TANC2: variants seen among roughly 807,000 people sequenced by gnomAD.
The protein encoded by TANC2 is protein TANC2.
A neutral mutation model predicts 210.5 loss-of-function variants in TANC2; 26 were observed. The ratio of observed to expected loss-of-function variants is 0.12; its 90% confidence interval spans 0.09 to 0.17. TANC2 has a LOEUF of 0.17. Ranked by LOEUF, TANC2 falls within the 10% of genes least tolerant of loss-of-function variation. The pLI is 1.00. For missense variants in TANC2, 2,129 were observed against 2,608.9 expected (o/e 0.82, Z 4.01); for synonymous variants, 931 against 967.1 (o/e 0.96, Z 0.69).
chr17:63,263,368 TC>T, intron 8 of TANC2, among the ~76,000 whole-genome samples: 1 of 152,296 alleles, frequency 6.6e-6, no homozygotes, highest in Non-Finnish European at 1.5e-5. Context: ...ACAGGACACA[TC>T]CTGGCAATCT....
chr17:63,206,526 A>G (rs910676314), intron 7 of TANC2, among the ~76,000 whole-genome samples: 1 of 152,242 alleles, frequency 6.6e-6, no homozygotes, highest in Admixed American at 6.5e-5. Context: ...CCTTAAAAAG[A>G]AATGAAATTC....
At chr17:63,229,043 C>T (rs1020602106) in intron 7 of TANC2, among the ~76,000 whole-genome samples, 1 of 152,146 alleles carries the variant, frequency 6.6e-6, no homozygotes, top group African/African-American at 2.4e-5. Context: ...CTTCCCCATT[C>T]ATTATGATAT....
At position 63,294,827 on chromosome 17, in the gene TANC2, T is replaced by C. The variant is rs186557921; in HGVS notation, c.1160-19561T>C. Among the ~76,000 whole-genome samples the C allele has an allele frequency of 3.9e-5, 6 of 152,344 alleles. No homozygotes were observed. In the East Asian group the frequency reaches 1.2e-3, roughly 29 times the overall value. Reference sequence around the variant, plus strand: ...TGCCTTGGCTGTACCATTTTCTGGGTGCTGCGGATAAGAAAGTCACATTCT... The same window carrying C: ...TGCCTTGGCTGTACCATTTTCTGGGCGCTGCGGATAAGAAAGTCACATTCT... On this transcript the variant is annotated intron_variant, in intron 9 of 27. Transcript: ENST00000689528.
At chr17:63,315,827 G>A (rs1360149122) in intron 10 of TANC2, among the ~76,000 whole-genome samples, 2 of 152,220 alleles carry the variant, frequency 1.3e-5, no homozygotes, top group African/African-American at 2.4e-5. Context: ...ACTTATGGAT[G>A]TCTAACGTGG....
chr17:63,252,233 AT>A (rs1438836053), intron 8 of TANC2, among the ~76,000 whole-genome samples: 3 of 151,924 alleles, frequency 2.0e-5, no homozygotes, highest in African/African-American at 7.2e-5. Context: ...TTTCTTTTTA[AT>A]TTTTATGGGT....
At chr17:63,316,946 AGTTATTAATAT>A (rs2045332653) in intron 10 of TANC2, among the ~76,000 whole-genome samples, 1 of 54,194 alleles carries the variant, frequency 1.8e-5, no homozygotes, top group South Asian at 6.0e-4. Context: ...ACAGAATATA[AGTTATTAATAT>A]AAGTTATTAT....
intron 9 of TANC2, among the ~76,000 whole-genome samples, chr17:63,306,523 A>T (rs1422226405): frequency 6.6e-6 from 1 of 152,236 alleles, no homozygotes; most frequent in African/African-American, 2.4e-5. Flanking sequence ...TAGAGCTTGC[A>T]TTCTAGTTAA....
At chr17:63,111,778 T>G (rs956693938) in intron 4 of TANC2, among the ~76,000 whole-genome samples, 1 of 152,148 alleles carries the variant, frequency 6.6e-6, no homozygotes, top group Non-Finnish European at 1.5e-5. Context: ...CAGGCTGGAG[T>G]GCAGTGGCAC....
chr17:63,203,803 T>C (rs558008148), intron 7 of TANC2, among the ~76,000 whole-genome samples: 1 of 151,634 alleles, frequency 6.6e-6, no homozygotes, highest in Admixed American at 6.6e-5. Context: ...AAAAAAAAAG[T>C]AGTCAGATAA....
chr17:63,164,395 A>G (rs1219111340), intron 5 of TANC2, among the ~76,000 whole-genome samples: 1 of 152,116 alleles, frequency 6.6e-6, no homozygotes, highest in Non-Finnish European at 1.5e-5. Context: ...TAGTCAATAT[A>G]CTTTTATATA....
chr17:63,068,771 G>C (rs140197261), intron 2 of TANC2, among the ~76,000 whole-genome samples: 1 of 147,062 alleles, frequency 6.8e-6, no homozygotes, highest in Non-Finnish European at 1.5e-5. Context: ...TTATTCTAGA[G>C]TTAAAATGAA....
intron 4 of TANC2, among the ~76,000 whole-genome samples, chr17:63,121,935 G>C (rs891354401): frequency 2.7e-5 from 4 of 145,702 alleles, no homozygotes; most frequent in Admixed American, 1.4e-4. Flanking sequence ...CCACTGCACT[G>C]TAGCCTGGGC....
intron 10 of TANC2, among the ~76,000 whole-genome samples, chr17:63,315,706 C>T (rs991974285): frequency 3.9e-5 from 6 of 152,164 alleles, no homozygotes; most frequent in African/African-American, 1.4e-4. Context: ...GGGTCTAGCA[C>T]AGTGCTGGAA....
At chr17:63,119,027 C>A (rs2038360395) in intron 4 of TANC2, among the ~76,000 whole-genome samples, 1 of 152,094 alleles carries the variant, frequency 6.6e-6, no homozygotes, top group Admixed American at 6.6e-5. Flanking sequence ...CGTGATCCGC[C>A]CACCCCAGCC....
At chr17:63,024,477 G>T (rs2034472098) in intron 2 of TANC2, among the ~76,000 whole-genome samples, 1 of 152,034 alleles carries the variant, frequency 6.6e-6, no homozygotes, top group Non-Finnish European at 1.5e-5. Context: ...AGTGGGTTTG[G>T]GCCGGCATCT....
At chr17:63,299,832 G>A (rs965232576) in intron 9 of TANC2, among the ~76,000 whole-genome samples, 4 of 151,990 alleles carry the variant, frequency 2.6e-5, no homozygotes, top group Non-Finnish European at 5.9e-5. Flanking sequence ...ATTATTTTTG[G>A]CATTTTTGTC....
rs1183619972 is a variant in TANC2 at position 62,966,358 on chromosome 17, C to A, written c.-415C>A. Among the ~76,000 whole-genome samples the A allele has an allele frequency of 6.8e-6, 1 of 147,086 alleles. No individual in the cohort carries two copies. The highest frequency in any genetic ancestry group is 1.5e-5 in the Non-Finnish European group (1 of 66,062). On this transcript the variant is annotated 5_prime_UTR_variant, in exon 1 of 28. Coordinates refer to ENST00000689528, the Ensembl canonical transcript of TANC2. This position sits in a 1 kb window ranked among gnomAD's most constrained non-coding sequence, Gnocchi z 5.1. ...CGGGGGAAGCTGCGAGCGCTCCGAG[C>A]GCCCGGCCTAGGGCCGCTGGCGCTG...
intron 7 of TANC2, among the ~76,000 whole-genome samples, chr17:63,223,211 C>T (rs2042241302): frequency 6.6e-6 from 1 of 152,130 alleles, no homozygotes. Flanking sequence ...TGGGAATGTA[C>T]TAGATGCCAT....
intron 5 of TANC2, among the ~76,000 whole-genome samples, chr17:63,164,301 G>A (rs1329363341): frequency 6.6e-6 from 1 of 151,840 alleles, no homozygotes; most frequent in East Asian, 1.9e-4. Flanking sequence ...TGCCTAGCCA[G>A]CATCAAAATC....
Sources: gnomAD v4.1 joint callset for allele counts (sites outside exome capture counted in the v4.1 genomes callset) on GRCh38, gnomAD v4.1.1 for gene constraint, Gnocchi (gnomAD v3.1) non-coding constraint, MANE v1.5 for transcripts, NCBI Gene and HGNC (gene_info 2026-07-23, HGNC 2026-07-21) for gene names.